Variants in PTK6 observed in about 807,000 individuals in gnomAD.
The protein encoded by PTK6 is protein tyrosine kinase 6, also known as protein-tyrosine kinase 6.
Under a neutral mutation model 47.5 loss-of-function variants are expected in PTK6, and 47 were observed. That is an observed-to-expected ratio of 0.99 (90% CI 0.78 to 1.26). The LOEUF (loss-of-function observed/expected upper bound fraction) is 1.26, where lower values mean the gene tolerates loss of function less well. PTK6 is among the 50% of genes most tolerant of loss of function. PTK6 has a pLI of 0.00. For missense variants in PTK6, 618 were observed against 625.3 expected (o/e 0.99, Z 0.12); for synonymous variants, 287 against 276.5 (o/e 1.04, Z -0.38).
Position 63,534,934 on chromosome 20 carries a change from G to C in PTK6, c.352+4C>G, listed in dbSNP as rs778262885. On this transcript the variant is annotated splice_donor_region_variant and intron_variant, in intron 2 of 7. Coordinates refer to ENST00000542869, the MANE Select transcript of PTK6 (RefSeq NM_005975.4). Reference sequence around the variant, plus strand: ...AAGCACAGGCTCGGAGGCCGGGGCCGCACCCGACAGGACGTAGTCGGCACT... The same window carrying C: ...AAGCACAGGCTCGGAGGCCGGGGCCCCACCCGACAGGACGTAGTCGGCACT... The C allele has an allele frequency of 6.3e-7, 1 of 1,591,572 alleles. No individual in the cohort carries two copies.
chr20:63,530,809 G>A lies in PTK6; in HGVS notation c.951C>T (p.Asn317=), dbSNP rs766343075. 11 of 1,614,120 alleles carry A rather than the reference G, an allele frequency of 6.8e-6. No homozygotes were observed. Among genetic ancestry groups the A allele is most frequent in the Admixed American group, 3.3e-5 (2 of 60,008 alleles). The part of the protein sequence containing the change: ...NYIHRDLAAR[N]ILVGENTLCK... ...AGAGGGTGTTTTCCCCGACGAGGAT[G>A]TTCCTGGCGGCCAGGTCCCGGTGGA... Residue 317 remains asparagine (N), a synonymous_variant, in exon 6 of 8, where the codon AAC becomes AAT. Transcript: ENST00000542869. The surrounding 1 kb of genome is among the most constrained non-coding windows in gnomAD (Gnocchi z 4.1).
rs768776420 is a variant in PTK6 at position 63,534,990 on chromosome 20, G to A, written c.300C>T (p.Gly100=). 1.6e-5 allele frequency: 26 copies of A among 1,608,370 alleles called. No individual in the cohort carries two copies. The highest frequency in any genetic ancestry group is 4.5e-5 in the East Asian group (2 of 44,736). The change falls in exon 2 of 8, where the codon GGC becomes GGT. Residue 100 remains glycine (G), a synonymous_variant. Transcript: ENST00000542869. The stretch of plus-strand genomic sequence containing the variant: ...TCTCGCTGACCCTGATCAGGAAGGC[G>A]CCCGTGGCGTTGCCCTCGGCCTGCA... ...RRLQAEGNAT[G]AFLIRVSEKP...
At position 63,530,232 on chromosome 20, in the gene PTK6, C is replaced by T. The variant is rs981880309; in HGVS notation, c.1015-1G>A. 2 of 1,613,796 alleles carry T rather than the reference C, an allele frequency of 1.2e-6. No homozygotes were observed. Among genetic ancestry groups the T allele is most frequent in the Admixed American group, 1.7e-5 (1 of 60,020 alleles). On this transcript the variant is annotated splice_acceptor_variant, in intron 6 of 7. Transcript: ENST00000542869. LOFTEE classifies it high-confidence loss of function. The surrounding 1 kb of genome is among the most constrained non-coding windows in gnomAD (Gnocchi z 4.1). ...GGTCATGGGAGAGGTAGACGTCCTC[C>T]TGCAATCAGCCTGGAGCTGAGTGGG... is the stretch of plus-strand genomic sequence containing the variant.
At chr20:63,532,313 G>C (rs1217748193) in intron 5 of PTK6, among the ~76,000 whole-genome samples, 1 of 122,618 alleles carries the variant, frequency 8.2e-6, no homozygotes, top group African/African-American at 6.7e-5. Flanking sequence ...GTGTCTGTGT[G>C]TGCATGTGTA....
At chr20:63,532,430 CGTGT>C (rs759092116) in intron 5 of PTK6, 92 bp downstream of exon 5, 10 of 1,285,622 alleles carry the variant, frequency 7.8e-6, no homozygotes, top group African/African-American at 1.5e-5. Context: ...TGTGTGTCTA[CGTGT>C]GTGTGTGTGT....
chr20:63,531,539 C>T (rs1236129018), intron 5 of PTK6, among the ~76,000 whole-genome samples: 1 of 148,274 alleles, frequency 6.7e-6, no homozygotes, highest in African/African-American at 2.5e-5. Context: ...CATTTGAACC[C>T]AGGAGGTGGA....
intron 5 of PTK6, 77 bp downstream of exon 5, chr20:63,532,449 G>T: frequency 7.0e-7 from 1 of 1,420,068 alleles, no homozygotes; most frequent in Non-Finnish European, 9.4e-7. Context: ...GTGTGTAGAC[G>T]TGGGGGGGGG....
At chr20:63,534,862 G>A (rs2082651630) in intron 2 of PTK6, 76 bp downstream of exon 2, 1 of 1,506,388 alleles carries the variant, frequency 6.6e-7, no homozygotes, top group Non-Finnish European at 8.9e-7. Flanking sequence ...AGCGAGCCGG[G>A]TTCACCACGT....
intron 5 of PTK6, 135 bp from the exon 6 acceptor site, chr20:63,531,062 T>A: frequency 1.2e-6 from 1 of 819,372 alleles, no homozygotes; most frequent in Non-Finnish European, 1.8e-6. Context: ...AAAGGGCAGC[T>A]GGCCTGATTG....
At position 63,537,094 on chromosome 20, in the gene PTK6, TC is replaced by T; in HGVS notation, c.220del (p.Glu74SerfsTer30). On this transcript the variant is annotated frameshift_variant, in exon 1 of 8. Coordinates refer to ENST00000542869, the MANE Select transcript of PTK6 (RefSeq NM_005975.4). LOFTEE classifies it high-confidence loss of function. ...AGCCTAGGACACGCACGGTTCCGACTCCACCGTCTCCCTCTCGGCCAGGTAG... is the reference window on the plus strand; with the variant it reads ...AGCCTAGGACACGCACGGTTCCGACTCACCGTCTCCCTCTCGGCCAGGTAG... Reference protein sequence around the residue: ...HNYLAERETVESEPWFFGCIS... With the variant: ...HNYLAERETVXSEPWFFGCIS... The T allele has an allele frequency of 6.2e-7, 1 of 1,609,342 alleles. No homozygotes were observed. Among genetic ancestry groups the T allele is most frequent in the South Asian group, 1.1e-5 (1 of 90,280 alleles).
chr20:63,534,953 C>CGGCACTCGG lies in PTK6; in HGVS notation c.328_336dup (p.Pro110_Ala112dup). ...GGGGCCGCACCCGACAGGACGTAGT[C>CGGCACTCGG]GGCACTCGGCTTCTCGCTGACCCTG... On this transcript the variant is annotated inframe_insertion, in exon 2 of 8. Transcript: ENST00000542869. 1 of 1,603,538 alleles carries CGGCACTCGG rather than the reference C, an allele frequency of 6.2e-7. No homozygotes were observed. The highest frequency in any genetic ancestry group is 8.5e-7 in the Non-Finnish European group (1 of 1,175,938).
rs757619229 is a variant in PTK6, at chr20:63,534,315, A to C, written c.353T>G (p.Val118Gly). The change falls in exon 3 of 8, where the codon GTG (valine) becomes GGG (glycine). Residue 118 changes from valine (V) to glycine (G), a missense_variant and splice_region_variant. Val to Gly is a moderately radical substitution (Grantham distance 109, BLOSUM62 -3). Coordinates refer to ENST00000542869, the MANE Select transcript of PTK6 (RefSeq NM_005975.4). Reference protein sequence around the residue: ...EKPSADYVLSVRDTQAVRHYK... With the variant: ...EKPSADYVLSGRDTQAVRHYK... ...GTGCCGCACAGCCTGCGTGTCCCGC[A>C]CTGGGAGGGAGAGCGTGAGCTGTGT... is the stretch of plus-strand genomic sequence containing the variant. 3 of 1,598,804 alleles carry C rather than the reference A, an allele frequency of 1.9e-6. No individual in the cohort carries two copies. The South Asian group carries it at 3.4e-5, about 18-fold the overall frequency.
chr20:63,535,408 A>T (rs2145976517), intron 1 of PTK6, among the ~76,000 whole-genome samples: 1 of 143,394 alleles, frequency 7.0e-6, no homozygotes, highest in East Asian at 1.9e-4. Flanking sequence ...ACGCACGCTC[A>T]CACACACACA....
Position 63,530,649 on chromosome 20 carries a change from T to G in PTK6, c.1014+97A>C. On this transcript the variant is annotated intron_variant, in intron 6 of 7. Transcript: ENST00000542869. The surrounding 1 kb of genome is among the most constrained non-coding windows in gnomAD (Gnocchi z 4.1). Reference sequence around the variant, plus strand: ...GCTCCCGAGGGCAGGGGCCGCATCCTGCTCCCAGCCGAGTCCCCAGCTCCA... The same window carrying G: ...GCTCCCGAGGGCAGGGGCCGCATCCGGCTCCCAGCCGAGTCCCCAGCTCCA... 7.0e-7 allele frequency: 1 copy of G among 1,434,888 alleles called. No homozygotes were observed. The highest frequency in any genetic ancestry group is 9.4e-7 in the Non-Finnish European group (1 of 1,060,282). The allele number at this position is 1,434,888 out of a possible 1,614,324, so 88.9% of individuals were successfully genotyped here.
rs750018754 is a variant in PTK6, at chr20:63,533,282, G to A, written c.670+269C>T. On this transcript the variant is annotated intron_variant, in intron 4 of 7. Transcript: ENST00000542869. The surrounding 1 kb of genome is among the most constrained non-coding windows in gnomAD (Gnocchi z 4.0). ...GTGGTTTCCCCATGTTGGCCAGGCT[G>A]GTCTCAAACTCCTGACCTCGTGATC... Among the ~76,000 whole-genome samples, 23 of 152,202 alleles carry A rather than the reference G, an allele frequency of 1.5e-4. No individual in the cohort carries two copies. The highest frequency in any genetic ancestry group is 2.9e-4 in the Non-Finnish European group (20 of 68,010).
chr20:63,536,694 C>T (rs778587824), intron 1 of PTK6, among the ~76,000 whole-genome samples: 1 of 152,170 alleles, frequency 6.6e-6, no homozygotes, highest in Non-Finnish European at 1.5e-5. Context: ...CTTCAAGCTT[C>T]GTTTCCCCCA....
chr20:63,533,825 G>T lies in PTK6; in HGVS notation c.517-121C>A, dbSNP rs964771355. 8 of 1,377,706 alleles carry T rather than the reference G, an allele frequency of 5.8e-6. No homozygotes were observed. Among genetic ancestry groups the T allele is most frequent in the Non-Finnish European group, 7.8e-6 (8 of 1,030,460 alleles). The allele number at this position is 1,377,706 out of a possible 1,614,324, so 85.3% of individuals were successfully genotyped here. ...AGGGCCACGATCAGCCTGGGTTGGG[G>T]GTTTCTGAGTGTCTGACACAAGGGT... On this transcript the variant is annotated intron_variant, in intron 3 of 7. Transcript: ENST00000542869. The surrounding 1 kb of genome is among the most constrained non-coding windows in gnomAD (Gnocchi z 4.0).
chr20:63,534,108 C>G, intron 3 of PTK6, 44 bp downstream of exon 3: 1 of 1,495,998 alleles, frequency 6.7e-7, no homozygotes, highest in Non-Finnish European at 8.9e-7. Flanking sequence ...GCCTGTGACC[C>G]CCCAGCCTGA....
In PTK6 at chr20:63,532,695, G is replaced by T. The variant is rs1569011722; in HGVS notation, c.671-8C>A. The T allele has an allele frequency of 2.5e-6, 4 of 1,612,888 alleles. No individual in the cohort carries two copies. Among genetic ancestry groups the T allele is most frequent in the Non-Finnish European group, 3.4e-6 (4 of 1,179,594 alleles). ...GCTGGTGCAGGAGGTTGTCTGCGGG[G>T]ACGGGTGGCCTCGGTGGATGCAGCC... On this transcript the variant is annotated splice_polypyrimidine_tract_variant and splice_region_variant and intron_variant, in intron 4 of 7. Transcript: ENST00000542869.
Sources: allele counts gnomAD v4.1 joint callset (sites outside exome capture counted in the v4.1 genomes callset), GRCh38; gene constraint gnomAD v4.1.1; non-coding constraint Gnocchi (gnomAD v3.1); transcripts MANE v1.5; gene names NCBI Gene and HGNC (gene_info 2026-07-23, HGNC 2026-07-21).